Variants in LDB2 observed in about 807,000 individuals in gnomAD.
LDB2 encodes LIM domain-binding protein 2.
A neutral mutation model predicts 44.3 loss-of-function variants in LDB2; 12 were observed. The ratio of observed to expected loss-of-function variants is 0.27; its 90% confidence interval spans 0.17 to 0.44. LDB2 has a LOEUF of 0.44. Among genes scored for constraint, LDB2 ranks in the 20% least tolerant of loss-of-function variants. The pLI, the probability that LDB2 is intolerant of heterozygous loss-of-function variation, is 1.00. For synonymous variants in LDB2, 164 were observed against 174.8 expected (o/e 0.94, Z 0.49); for missense variants, 344 against 473.5 (o/e 0.73, Z 2.54).
intron 2 of LDB2, among the ~76,000 whole-genome samples, chr4:16,616,590 T>C (rs544544408): frequency 2.0e-5 from 3 of 152,040 alleles, no homozygotes; most frequent in Admixed American, 6.5e-5. Context: ...TTTGAGTGAA[T>C]TGTAGGTTGG....
At chr4:16,534,185 C>T (rs1730992378) in intron 5 of LDB2, among the ~76,000 whole-genome samples, 1 of 152,082 alleles carries the variant, frequency 6.6e-6, no homozygotes. Context: ...AGGGAGGAAA[C>T]CCATTTTAAA....
At chr4:16,831,709 A>G (rs1784104150) in intron 1 of LDB2, among the ~76,000 whole-genome samples, 1 of 152,172 alleles carries the variant, frequency 6.6e-6, no homozygotes, top group Admixed American at 6.5e-5. Flanking sequence ...TTTTTTTCTC[A>G]GTAATTGGAC....
chr4:16,576,283 T>A, intron 5 of LDB2, among the ~76,000 whole-genome samples: 1 of 150,666 alleles, frequency 6.6e-6, no homozygotes, highest in Non-Finnish European at 1.5e-5. Flanking sequence ...ATGCAAAAGA[T>A]GAAGGAAATG....
At chr4:16,674,614 A>T (rs1325248104) in intron 2 of LDB2, among the ~76,000 whole-genome samples, 4 of 152,216 alleles carry the variant, frequency 2.6e-5, no homozygotes, top group Admixed American at 2.0e-4. Flanking sequence ...ACAGCTAAGG[A>T]CAACTGGTAA....
chr4:16,510,964 AAAAAT>A (rs1721503316), intron 6 of LDB2, among the ~76,000 whole-genome samples: 1 of 152,252 alleles, frequency 6.6e-6, no homozygotes, highest in South Asian at 2.1e-4. Flanking sequence ...CGTTAAAAGA[AAAAAT>A]AAAGCCAATT....
intron 2 of LDB2, chr4:16,627,051 G>T (rs369729384): frequency 2.0e-5 from 3 of 152,126 alleles, no homozygotes; most frequent in East Asian, 3.9e-4. Context: ...TTCTGGTGGG[G>T]CCATATGAAG....
chr4:16,844,290 G>A (rs1397520868), intron 1 of LDB2, among the ~76,000 whole-genome samples: 1 of 142,872 alleles, frequency 7.0e-6, no homozygotes, highest in Non-Finnish European at 1.5e-5. Flanking sequence ...TATCAATGGT[G>A]AGTCACCAAG....
intron 2 of LDB2, among the ~76,000 whole-genome samples, chr4:16,668,187 T>C (rs777191835): frequency 2.7e-4 from 41 of 152,182 alleles, no homozygotes; most frequent in Non-Finnish European, 4.6e-4. Flanking sequence ...CTGGGTCACT[T>C]GTAAAATATG....
At chr4:16,836,466 C>G (rs923758602) in intron 1 of LDB2, among the ~76,000 whole-genome samples, 3 of 152,192 alleles carry the variant, frequency 2.0e-5, no homozygotes, top group Non-Finnish European at 4.4e-5. Context: ...CCTCCTCTAC[C>G]TAGATGCCCA....
At chr4:16,794,094 C>T (rs1579724851) in intron 1 of LDB2, among the ~76,000 whole-genome samples, 1 of 152,224 alleles carries the variant, frequency 6.6e-6, no homozygotes, top group South Asian at 2.1e-4. Flanking sequence ...GACAGCACTG[C>T]TCTCTCTTAT....
intron 1 of LDB2, among the ~76,000 whole-genome samples, chr4:16,766,353 T>C (rs1769199036): frequency 6.6e-6 from 1 of 151,888 alleles, no homozygotes; most frequent in South Asian, 2.1e-4. Context: ...AACATTGTGT[T>C]TGAAGACCTA....
intron 2 of LDB2, among the ~76,000 whole-genome samples, chr4:16,736,587 C>A (rs1216579868): frequency 1.3e-5 from 2 of 152,160 alleles, no homozygotes; most frequent in African/African-American, 4.8e-5. Context: ...AGGGTTCAAA[C>A]CCTGCCCTTG....
chr4:16,710,544 G>A (rs1280179909), intron 2 of LDB2, among the ~76,000 whole-genome samples: 7 of 151,848 alleles, frequency 4.6e-5, no homozygotes, highest in Admixed American at 2.6e-4. Context: ...CCCAGAAGGT[G>A]GAATAAAAGA....
chr4:16,809,437 C>G (rs1561301507), intron 1 of LDB2, among the ~76,000 whole-genome samples: 2 of 152,140 alleles, frequency 1.3e-5, no homozygotes, highest in South Asian at 4.1e-4. Context: ...TGGTCTCGAG[C>G]TTTCTTGAGA....
At chr4:16,841,762 C>A (rs1580145011) in intron 1 of LDB2, among the ~76,000 whole-genome samples, 3 of 152,298 alleles carry the variant, frequency 2.0e-5, no homozygotes, top group African/African-American at 7.2e-5. Context: ...TGGAACTGAA[C>A]AACTACAATA....
At chr4:16,578,791 C>T (rs989311312) in intron 5 of LDB2, among the ~76,000 whole-genome samples, 1 of 152,110 alleles carries the variant, frequency 6.6e-6, no homozygotes, top group Non-Finnish European at 1.5e-5. Context: ...GATTTTGGAG[C>T]AACTTAACTG....
At chr4:16,626,852 C>T (rs1225592740) in intron 2 of LDB2, 1 of 152,168 alleles carries the variant, frequency 6.6e-6, no homozygotes, top group African/African-American at 2.4e-5. Context: ...CAAGCCTCTC[C>T]TACTGCTTAC....
intron 2 of LDB2, among the ~76,000 whole-genome samples, chr4:16,649,971 T>TG (rs1737817633): frequency 6.6e-6 from 1 of 152,278 alleles, no homozygotes; most frequent in South Asian, 2.1e-4. Context: ...GAGTGGAGAG[T>TG]GCCTCCCTTT....
chr4:16,856,165 T>C (rs927554146), intron 1 of LDB2, among the ~76,000 whole-genome samples: 3 of 152,090 alleles, frequency 2.0e-5, no homozygotes, highest in Non-Finnish European at 2.9e-5. Context: ...TAAACAAATA[T>C]TAAAGAGACT....
Sources: gnomAD v4.1 joint callset for allele counts (sites outside exome capture counted in the v4.1 genomes callset) on GRCh38, gnomAD v4.1.1 for gene constraint, MANE v1.5 for transcripts, NCBI Gene and HGNC (gene_info 2026-07-23, HGNC 2026-07-21) for gene names.